The following PODXL2 variants were observed in gnomAD, a reference collection of about 807,000 sequenced individuals.
PODXL2 encodes podocalyxin-like protein 2.
In PODXL2, 17 loss-of-function variants were observed where a neutral mutation model predicts 53.4. The observed-to-expected ratio is 0.32, with a 90% CI of 0.22 to 0.48. The LOEUF is 0.48. Ranked by LOEUF, PODXL2 falls within the 20% of genes least tolerant of loss-of-function variation. The pLI, the probability that PODXL2 is intolerant of heterozygous loss-of-function variation, is 0.99. For synonymous variants in PODXL2, 311 were observed against 306.7 expected (o/e 1.01, Z -0.15); for missense variants, 673 against 760.0 (o/e 0.89, Z 1.35).
chr3:127,671,410 G>C, intron 6 of PODXL2, 24 bp from the exon 7 acceptor site: 1 of 1,610,398 alleles, frequency 6.2e-7, no homozygotes. Flanking sequence ...CTCAGCTGAG[G>C]AAACTGGCCC....
chr3:127,632,072 A>G (rs2074550471), intron 1 of PODXL2, among the ~76,000 whole-genome samples: 2 of 152,224 alleles, frequency 1.3e-5, no homozygotes, highest in Admixed American at 6.5e-5. Flanking sequence ...CATGGAAATG[A>G]CAGGGAAGGG....
chr3:127,633,133 T>A (rs2107702353), intron 1 of PODXL2, among the ~76,000 whole-genome samples: 1 of 152,360 alleles, frequency 6.6e-6, no homozygotes, highest in Non-Finnish European at 1.5e-5. Flanking sequence ...GAGAAGAGAT[T>A]CCTTCAATTG....
At chr3:127,646,193 T>C (rs2074656383) in intron 2 of PODXL2, among the ~76,000 whole-genome samples, 2 of 152,204 alleles carry the variant, frequency 1.3e-5, no homozygotes, top group Non-Finnish European at 2.9e-5. Flanking sequence ...TCCATTTAGC[T>C]GATAAGCAAA....
chr3:127,629,194 C>A lies in PODXL2; in HGVS notation c.-26C>A. 1.0e-6 allele frequency: 1 copy of A among 981,586 alleles called. No homozygotes were observed. The highest frequency in any genetic ancestry group is 1.2e-6 in the Non-Finnish European group (1 of 828,494). 60.8% of individuals were successfully genotyped at this position (981,586 alleles called of 1,614,324 possible). A position where few individuals can be genotyped will look rare whatever the true frequency, so the allele number is the denominator to read the frequency against. ...CGCGGGCCCGGGCGCCGCGCCGCTGCGGCTGCAGGCGGCGACGGCTACACC... is the reference window on the plus strand; with the variant it reads ...CGCGGGCCCGGGCGCCGCGCCGCTGAGGCTGCAGGCGGCGACGGCTACACC... On this transcript the variant is annotated 5_prime_UTR_variant, in exon 1 of 8. Transcript: ENST00000342480. The surrounding 1 kb of genome is among the most constrained non-coding windows in gnomAD (Gnocchi z 6.4).
intron 6 of PODXL2, 142 bp from the exon 7 acceptor site, chr3:127,671,292 C>A: frequency 1.4e-6 from 1 of 717,550 alleles, no homozygotes; most frequent in Non-Finnish European, 2.3e-6. Context: ...CAAGCCCAGG[C>A]GCCAGGGAAC....
intron 2 of PODXL2, among the ~76,000 whole-genome samples, chr3:127,650,860 C>T (rs1469225093): frequency 1.3e-5 from 2 of 152,018 alleles, no homozygotes; most frequent in African/African-American, 2.4e-5. Context: ...GGGGTTTCAC[C>T]GTTTTAGCCA....
At chr3:127,634,567 A>T (rs2074565982) in intron 1 of PODXL2, among the ~76,000 whole-genome samples, 2 of 146,692 alleles carry the variant, frequency 1.4e-5, no homozygotes, top group African/African-American at 5.0e-5. Context: ...TACTAAAAAT[A>T]AAAAAAAAAT....
chr3:127,632,251 G>A (rs908359918), intron 1 of PODXL2, among the ~76,000 whole-genome samples: 1 of 152,228 alleles, frequency 6.6e-6, no homozygotes, highest in Non-Finnish European at 1.5e-5. Flanking sequence ...CCAGAGTAGG[G>A]TGTAGACGGC....
chr3:127,655,093 C>T (rs983860126), intron 2 of PODXL2, among the ~76,000 whole-genome samples: 4 of 152,080 alleles, frequency 2.6e-5, no homozygotes, highest in Non-Finnish European at 4.4e-5. Context: ...CAGGCACCTA[C>T]CACCACACCT....
At chr3:127,670,313 G>A (rs565149065) in intron 6 of PODXL2, among the ~76,000 whole-genome samples, 7 of 152,304 alleles carry the variant, frequency 4.6e-5, no homozygotes, top group South Asian at 2.1e-4. Flanking sequence ...GCCTGATTCC[G>A]GAGCCCGGGC....
In PODXL2 at chr3:127,667,151, C is replaced by T. The variant is rs552054399; in HGVS notation, c.1207-1290C>T. ...AAAACTCAGTTGGCTGGCTATTAGA[C>T]CAGTGAGTGCCAAGGCTTGAGCCTG... On this transcript the variant is annotated intron_variant, in intron 4 of 7. Transcript: ENST00000342480. Among the ~76,000 whole-genome samples, 96 of 152,378 alleles carry T rather than the reference C, an allele frequency of 6.3e-4. 1 individual carries two copies. In the Middle Eastern group the frequency reaches 0.01, roughly 16 times the overall value.
Position 127,668,715 on chromosome 3 carries a change from T to G in PODXL2, c.1363+118T>G, listed in dbSNP as rs1006940870. 3.0e-6 allele frequency: 3 copies of G among 988,044 alleles called. No homozygotes were observed. The African/African-American group carries it at 5.0e-5, about 17-fold the overall frequency. 61.2% of individuals were successfully genotyped at this position (988,044 alleles called of 1,614,324 possible). On this transcript the variant is annotated intron_variant, in intron 5 of 7. Transcript: ENST00000342480. Reference sequence around the variant, plus strand: ...TTTGAAACTTGGAACTCCAGGACAGTAGTTTGAGCTACTTAGCTTAGTGGT... The same window carrying G: ...TTTGAAACTTGGAACTCCAGGACAGGAGTTTGAGCTACTTAGCTTAGTGGT...
At chr3:127,658,563 C>G (rs1296615130) in intron 2 of PODXL2, among the ~76,000 whole-genome samples, 1 of 152,076 alleles carries the variant, frequency 6.6e-6, no homozygotes, top group Admixed American at 6.5e-5. Flanking sequence ...ATTTCAGGTT[C>G]AAAATAAACA....
At chr3:127,661,250 GC>G in intron 3 of PODXL2, 91 bp downstream of exon 3, 2 of 992,438 alleles carry the variant, frequency 2.0e-6, no homozygotes, top group Non-Finnish European at 3.0e-6. Context: ...GGCAGGATCT[GC>G]CAGGTTGAGG....
In PODXL2 at chr3:127,629,301, C is replaced by G; in HGVS notation, c.70+12C>G. On this transcript the variant is annotated intron_variant, in intron 1 of 7. Transcript: ENST00000342480. This position sits in a 1 kb window ranked among gnomAD's most constrained non-coding sequence, Gnocchi z 6.4. Reference sequence around the variant, plus strand: ...TCTGCTGGTTGGGGGTGAGTGCGCTCCGGGCCCGAGCGCGGGAGGGCGGGC... The same window carrying G: ...TCTGCTGGTTGGGGGTGAGTGCGCTGCGGGCCCGAGCGCGGGAGGGCGGGC... 1 of 1,018,152 alleles carries G rather than the reference C, an allele frequency of 9.8e-7. No individual in the cohort carries two copies. Among genetic ancestry groups the G allele is most frequent in the South Asian group, 4.5e-5 (1 of 22,350 alleles). The allele number at this position is 1,018,152 out of a possible 1,614,324, so 63.1% of individuals were successfully genotyped here. A position where few individuals can be genotyped will look rare whatever the true frequency, so the allele number is the denominator to read the frequency against.
At chr3:127,663,184 A>C (rs537182389) in intron 4 of PODXL2, among the ~76,000 whole-genome samples, 1 of 152,300 alleles carries the variant, frequency 6.6e-6, no homozygotes, top group South Asian at 2.1e-4. Context: ...GCCGTTTCTT[A>C]AGCAAACTTT....
chr3:127,652,404 C>A (rs1016674831), intron 2 of PODXL2, among the ~76,000 whole-genome samples: 2 of 152,124 alleles, frequency 1.3e-5, no homozygotes, highest in Non-Finnish European at 2.9e-5. Context: ...GGGTCGGGAG[C>A]CCAGGAGCCT....
chr3:127,634,798 C>A lies in PODXL2; in HGVS notation c.71-4447C>A, dbSNP rs139394057. 2.0e-3 allele frequency among the ~76,000 whole-genome samples: 297 copies of A among 152,242 alleles called. 3 individuals carry two copies. Among genetic ancestry groups the A allele is most frequent in the Middle Eastern group, 3.4e-3 (1 of 294 alleles). On this transcript the variant is annotated intron_variant, in intron 1 of 7. Coordinates refer to ENST00000342480, the MANE Select transcript of PODXL2 (RefSeq NM_015720.4). ...TGTCACTCAAAGTGTGGTCCACAGA[C>A]CAGCAGCATCAGTCACACCTACTGT... is the stretch of plus-strand genomic sequence containing the variant.
intron 4 of PODXL2, among the ~76,000 whole-genome samples, chr3:127,662,721 G>A (rs1010146357): frequency 2.0e-5 from 3 of 152,166 alleles, no homozygotes; most frequent in South Asian, 4.1e-4. Context: ...TCTCTCTATC[G>A]AAAAAGTGGC....
Sources: allele counts gnomAD v4.1 joint callset (sites outside exome capture counted in the v4.1 genomes callset), GRCh38; gene constraint gnomAD v4.1.1; non-coding constraint Gnocchi (gnomAD v3.1); transcripts MANE v1.5; gene names NCBI Gene and HGNC (gene_info 2026-07-23, HGNC 2026-07-21).